SYT2: variants seen among roughly 807,000 people sequenced by gnomAD.
SYT2 encodes the protein synaptotagmin 2, also known as synaptotagmin-2.
In SYT2, 15 loss-of-function variants were observed where a neutral mutation model predicts 39.9. That is an observed-to-expected ratio of 0.38 (90% CI 0.25 to 0.58). The LOEUF (loss-of-function observed/expected upper bound fraction) is 0.58, where lower values mean the gene tolerates loss of function less well. Among genes scored for constraint, SYT2 ranks in the 20% least tolerant of loss-of-function variants. SYT2 has a pLI of 0.70. For missense variants in SYT2, 389 were observed against 530.3 expected, an observed-to-expected ratio of 0.73 and a Z score of 2.62; for synonymous variants, 181 against 204.5, an observed-to-expected ratio of 0.89 and a Z score of 0.98.
chr1:202,626,398 CTTTTTTTTTTTTT>C (rs58802666), intron 1 of SYT2, among the ~76,000 whole-genome samples: 1 of 72,432 alleles, frequency 1.4e-5, no homozygotes, highest in Non-Finnish European at 2.7e-5. Context: ...AGCCTCTCAG[CTTTTTTTTTTTTT>C]TTTTTTTTTT....
chr1:202,607,906 T>C lies in SYT2; in HGVS notation c.-17-2117A>G, dbSNP rs113219390. Among the ~76,000 whole-genome samples the C allele has an allele frequency of 4.6e-5, 7 of 152,316 alleles. 2 individuals carry two copies. Among genetic ancestry groups the C allele is most frequent in the African/African-American group, 1.7e-4 (7 of 41,580 alleles). ...CTTTTTTTTTTAAAAAACAGCTTTA[T>C]TGAGATGTAATTCACATATGTCACC... On this transcript the variant is annotated intron_variant, in intron 1 of 8. Coordinates refer to ENST00000367268, the MANE Select transcript of SYT2 (RefSeq NM_177402.5).
chr1:202,672,230 T>C (rs1692603918), intron 1 of SYT2, among the ~76,000 whole-genome samples: 1 of 152,254 alleles, frequency 6.6e-6, no homozygotes, highest in Non-Finnish European at 1.5e-5. Flanking sequence ...GACTGAATGT[T>C]TGCGTCCTCC....
rs753043468 is a variant in SYT2 at position 202,613,067 on chromosome 1, CCTTTTTT to C, written c.-17-7285_-17-7279del. 8.8e-3 allele frequency among the ~76,000 whole-genome samples: 1,076 copies of C among 121,612 alleles called. 43 individuals are homozygous for C. The highest frequency in any genetic ancestry group is 0.018 in the Middle Eastern group (4 of 220). 79.8% of individuals were successfully genotyped at this position (121,612 alleles called of 152,430 possible). A position where few individuals can be genotyped will look rare whatever the true frequency, so the allele number is the denominator to read the frequency against. ...CACATTGCCGAACTCATTGGTTCTT[CCTTTTTT>C]TTTTTTTTTTTTTTTTTTTTTTTCC... is the stretch of plus-strand genomic sequence containing the variant. On this transcript the variant is annotated intron_variant, in intron 1 of 8. Coordinates refer to ENST00000367268, the MANE Select transcript of SYT2 (RefSeq NM_177402.5).
At chr1:202,638,968 G>T (rs1206815039) in intron 1 of SYT2, among the ~76,000 whole-genome samples, 1 of 152,222 alleles carries the variant, frequency 6.6e-6, no homozygotes, top group Admixed American at 6.5e-5. Flanking sequence ...AGAAAGAAAA[G>T]CGTGGTCTTG....
chr1:202,641,441 G>C (rs769156302), intron 1 of SYT2, among the ~76,000 whole-genome samples: 8 of 152,118 alleles, frequency 5.3e-5, no homozygotes, highest in Non-Finnish European at 1.2e-4. Context: ...AGCAAGAAAG[G>C]GCCTTGCCCA....
At chr1:202,613,937 C>T (rs1271795477) in intron 1 of SYT2, among the ~76,000 whole-genome samples, 1 of 152,138 alleles carries the variant, frequency 6.6e-6, no homozygotes, top group Non-Finnish European at 1.5e-5. Flanking sequence ...TCAGAACTGC[C>T]GTGAAAATTT....
At chr1:202,635,953 A>G (rs939747408) in intron 1 of SYT2, among the ~76,000 whole-genome samples, 1 of 152,154 alleles carries the variant, frequency 6.6e-6, no homozygotes, top group Non-Finnish European at 1.5e-5. Context: ...TATTGACTCA[A>G]TGTGCTGCTT....
At chr1:202,671,817 C>A (rs1692594177) in intron 1 of SYT2, among the ~76,000 whole-genome samples, 1 of 152,192 alleles carries the variant, frequency 6.6e-6, no homozygotes, top group East Asian at 1.9e-4. Flanking sequence ...TGAAGCTTCC[C>A]TGCCCTAAGA....
intron 1 of SYT2, among the ~76,000 whole-genome samples, 199 bp downstream of exon 1, chr1:202,710,059 G>A (rs1044409282): frequency 2.6e-5 from 4 of 151,752 alleles, no homozygotes; most frequent in African/African-American, 4.8e-5. Flanking sequence ...CCGACTCCCC[G>A]AGACGAACCT....
intron 1 of SYT2, among the ~76,000 whole-genome samples, chr1:202,613,067 CCTTTTTTTTTTTTTTT>C (rs1690932809): frequency 8.2e-6 from 1 of 121,604 alleles, no homozygotes; most frequent in Non-Finnish European, 1.7e-5. Flanking sequence ...ATTGGTTCTT[CCTTTTTTTTTTTTTTT>C]TTTTTTTTTT....
intron 1 of SYT2, among the ~76,000 whole-genome samples, chr1:202,672,741 A>G (rs1321940620): frequency 4.8e-5 from 1 of 20,746 alleles, no homozygotes; most frequent in African/African-American, 1.1e-4. Context: ...CAGACATTTC[A>G]TTGGAATTAC....
At chr1:202,646,755 G>A (rs1692092296) in intron 1 of SYT2, among the ~76,000 whole-genome samples, 1 of 152,202 alleles carries the variant, frequency 6.6e-6, no homozygotes, top group Non-Finnish European at 1.5e-5. Flanking sequence ...AAGACAGAGG[G>A]CTGAAGGAAT....
At chr1:202,664,622 C>A (rs930542330) in intron 1 of SYT2, among the ~76,000 whole-genome samples, 1 of 152,158 alleles carries the variant, frequency 6.6e-6, no homozygotes, top group African/African-American at 2.4e-5. Context: ...GGAATGGAAT[C>A]ATTACAGGAT....
chr1:202,630,271 G>A (rs919549093), intron 1 of SYT2: 1 of 570,390 alleles, frequency 1.8e-6, no homozygotes, highest in Non-Finnish European at 2.2e-6. Flanking sequence ...GAAAGAGCTG[G>A]GGGCTGACCC....
intron 1 of SYT2, among the ~76,000 whole-genome samples, chr1:202,678,076 C>G (rs1653423864): frequency 6.6e-6 from 1 of 152,076 alleles, no homozygotes; most frequent in Admixed American, 6.5e-5. Flanking sequence ...GAGTTCAAGA[C>G]CAGCCTGGCC....
chr1:202,661,852 A>G (rs1296651549), intron 1 of SYT2, among the ~76,000 whole-genome samples: 1 of 152,234 alleles, frequency 6.6e-6, no homozygotes, highest in Admixed American at 6.5e-5. Flanking sequence ...TCACAAATCT[A>G]GTACATTTAT....
At chr1:202,709,464 G>A (rs1654337022) in intron 1 of SYT2, among the ~76,000 whole-genome samples, 1 of 152,160 alleles carries the variant, frequency 6.6e-6, no homozygotes, top group Admixed American at 6.5e-5. Context: ...CCCAGAGGTG[G>A]GGGAAGGAGC....
intron 1 of SYT2, among the ~76,000 whole-genome samples, chr1:202,683,250 T>C (rs1352269160): frequency 6.6e-6 from 1 of 152,124 alleles, no homozygotes; most frequent in Non-Finnish European, 1.5e-5. Context: ...GCATGACAAG[T>C]ATGTTCGCAG....
intron 1 of SYT2, among the ~76,000 whole-genome samples, chr1:202,631,770 G>A (rs1237692591): frequency 1.3e-5 from 2 of 152,174 alleles, no homozygotes; most frequent in Non-Finnish European, 2.9e-5. Flanking sequence ...GGTAATGAGG[G>A]CTCCATCATT....
Sources: gnomAD v4.1 joint callset for allele counts (sites outside exome capture counted in the v4.1 genomes callset) on GRCh38, gnomAD v4.1.1 for gene constraint, MANE v1.5 for transcripts, NCBI Gene and HGNC (gene_info 2026-07-23, HGNC 2026-07-21) for gene names.